The following KIAA1328 variants were observed in gnomAD, a reference collection of about 807,000 sequenced individuals.
The protein encoded by KIAA1328 is KIAA1328.
A neutral mutation model predicts 68.1 loss-of-function variants in KIAA1328; 52 were observed. The ratio of observed to expected loss-of-function variants is 0.76; its 90% CI spans 0.61 to 0.96. The LOEUF (loss-of-function observed/expected upper bound fraction) is 0.96, where lower values mean the gene tolerates loss of function less well. KIAA1328 is among the 40% of genes least tolerant of loss of function. The pLI, the probability that KIAA1328 is intolerant of heterozygous loss-of-function variation, is 0.00. For missense variants in KIAA1328, 641 were observed against 677.6 expected (o/e 0.95, Z 0.60); for synonymous variants, 232 against 239.4 (o/e 0.97, Z 0.28).
intron 4 of KIAA1328, among the ~76,000 whole-genome samples, chr18:36,853,223 T>C (rs1467442978): frequency 6.6e-6 from 1 of 152,218 alleles, no homozygotes; most frequent in Non-Finnish European, 1.5e-5. Flanking sequence ...CTGTAGATTA[T>C]GATTTTTAAA....
chr18:37,197,458 C>T (rs1257789592), intron 9 of KIAA1328, among the ~76,000 whole-genome samples: 1 of 152,000 alleles, frequency 6.6e-6, no homozygotes, highest in Admixed American at 6.6e-5. Flanking sequence ...CCACTATGGC[C>T]ATTTTCCATT....
intron 5 of KIAA1328, among the ~76,000 whole-genome samples, chr18:36,917,906 G>C (rs1268594520): frequency 6.6e-6 from 1 of 152,100 alleles, no homozygotes. Flanking sequence ...GTCCCTTCTA[G>C]TTGGCACCTC....
At chr18:36,829,347 C>A (rs1456488066) in intron 1 of KIAA1328, 151 bp downstream of exon 1, 1 of 1,388,160 alleles carries the variant, frequency 7.2e-7, no homozygotes, top group Admixed American at 3.4e-5. Context: ...AGGTGCTGGG[C>A]TCTCCCCTTG....
chr18:36,901,886 T>A (rs1418423056), intron 5 of KIAA1328: 1 of 152,082 alleles, frequency 6.6e-6, no homozygotes, highest in Non-Finnish European at 1.5e-5. Flanking sequence ...GACTTCTGTT[T>A]CTTGAGGAGT....
chr18:36,885,219 CA>C lies in KIAA1328; in HGVS notation c.333-331del, dbSNP rs531017253. ...CAATTGATTGTACCTGTTTTGGTAACAAAAAAATGAAACCCATGTTTTAAAA... is the reference window on the plus strand; with the variant it reads ...CAATTGATTGTACCTGTTTTGGTAACAAAAAATGAAACCCATGTTTTAAAA... On this transcript the variant is annotated intron_variant, in intron 4 of 9. Transcript: ENST00000280020. Among the ~76,000 whole-genome samples the C allele has an allele frequency of 2.1e-3, 317 of 151,994 alleles. 2 individuals carry two copies. Among genetic ancestry groups the C allele is most frequent in the Middle Eastern group, 0.017 (5 of 294 alleles).
At chr18:36,924,575 CAATTT>C (rs955194947) in intron 5 of KIAA1328, among the ~76,000 whole-genome samples, 30 of 151,988 alleles carry the variant, frequency 2.0e-4, no homozygotes, top group Non-Finnish European at 3.8e-4. Flanking sequence ...AAGATAGGCC[CAATTT>C]AATTAAGAGT....
chr18:37,016,032 A>G (rs2151507699), intron 6 of KIAA1328, among the ~76,000 whole-genome samples: 1 of 152,184 alleles, frequency 6.6e-6, no homozygotes. Flanking sequence ...TTCCAGTACT[A>G]TGTTGAGTAA....
At chr18:36,848,467 T>G (rs2047100075) in intron 4 of KIAA1328, among the ~76,000 whole-genome samples, 1 of 150,810 alleles carries the variant, frequency 6.6e-6, no homozygotes, top group Admixed American at 6.6e-5. Context: ...GTAGAATCCT[T>G]TGGATTTTGT....
chr18:37,204,962 C>CTTGTTG (rs143018752), intron 9 of KIAA1328, among the ~76,000 whole-genome samples: 3,554 of 151,206 alleles, frequency 0.024, 135 homozygotes, highest in African/African-American at 0.081. Context: ...GGCTTTTGAC[C>CTTGTTG]TTGTTGTTGT....
At chr18:37,034,406 G>A (rs553655035) in intron 6 of KIAA1328, among the ~76,000 whole-genome samples, 2 of 152,164 alleles carry the variant, frequency 1.3e-5, no homozygotes, top group South Asian at 4.2e-4. Flanking sequence ...TATTTTGAGA[G>A]CCTAAAATAA....
intron 5 of KIAA1328, 117 bp downstream of exon 5, chr18:36,885,789 T>C: frequency 1.6e-6 from 1 of 613,908 alleles, no homozygotes; most frequent in East Asian, 3.2e-5. Flanking sequence ...GCGATTTCAG[T>C]TCACCGCAAC....
intron 4 of KIAA1328, among the ~76,000 whole-genome samples, chr18:36,870,449 T>C (rs2047906764): frequency 6.6e-6 from 1 of 151,718 alleles, no homozygotes; most frequent in South Asian, 2.1e-4. Flanking sequence ...GTAATATAAA[T>C]ATTAAAATTA....
intron 9 of KIAA1328, among the ~76,000 whole-genome samples, chr18:37,204,620 T>TA (rs1342594284): frequency 6.6e-6 from 1 of 152,038 alleles, no homozygotes; most frequent in African/African-American, 2.4e-5. Flanking sequence ...GAGCATAAGG[T>TA]AGTAAATTTA....
chr18:36,982,105 A>G (rs962944092), intron 6 of KIAA1328, among the ~76,000 whole-genome samples: 3 of 143,002 alleles, frequency 2.1e-5, no homozygotes, highest in Non-Finnish European at 4.5e-5. Flanking sequence ...TATATATAAT[A>G]TAATTATATA....
intron 7 of KIAA1328, among the ~76,000 whole-genome samples, chr18:37,106,422 CTTT>C (rs1314317662): frequency 1.4e-5 from 2 of 140,180 alleles, no homozygotes; most frequent in Admixed American, 7.2e-5. Context: ...CTAAAAATCA[CTTT>C]TTTTTTTTTT....
chr18:36,983,182 G>T (rs1323762737), intron 6 of KIAA1328, among the ~76,000 whole-genome samples: 1 of 151,964 alleles, frequency 6.6e-6, no homozygotes, highest in Non-Finnish European at 1.5e-5. Context: ...CTGTCAAATT[G>T]TATTTAAGGG....
At chr18:37,188,851 C>T (rs1439325318) in intron 9 of KIAA1328, among the ~76,000 whole-genome samples, 1 of 152,228 alleles carries the variant, frequency 6.6e-6, no homozygotes, top group Non-Finnish European at 1.5e-5. Flanking sequence ...ATTACTTCAG[C>T]AGTATCTTTT....
intron 6 of KIAA1328, among the ~76,000 whole-genome samples, chr18:37,055,820 T>C (rs890931148): frequency 6.6e-5 from 10 of 152,176 alleles, no homozygotes; most frequent in African/African-American, 2.4e-4. Flanking sequence ...TATAAGGCTG[T>C]AAGTGGGAAT....
Position 37,222,719 on chromosome 18 carries a change from G to A in KIAA1328, c.*492G>A, listed in dbSNP as rs1257264587. 2 of 993,574 alleles carry A rather than the reference G, an allele frequency of 2.0e-6. No homozygotes were observed. The highest frequency in any genetic ancestry group is 1.7e-5 in the African/African-American group (1 of 57,236). 61.5% of individuals were successfully genotyped at this position (993,574 alleles called of 1,614,324 possible). On this transcript the variant is annotated 3_prime_UTR_variant, in exon 10 of 10. Coordinates refer to ENST00000280020, the MANE Select transcript of KIAA1328 (RefSeq NM_020776.3). ...TCTCACTACTACATTTCTGTAAGTGGTCCTTTAATTCTGAAGTTGGAGTTG... is the reference window on the plus strand; with the variant it reads ...TCTCACTACTACATTTCTGTAAGTGATCCTTTAATTCTGAAGTTGGAGTTG...
Sources: allele counts gnomAD v4.1 joint callset (sites outside exome capture counted in the v4.1 genomes callset), GRCh38; gene constraint gnomAD v4.1.1; transcripts MANE v1.5; gene names NCBI Gene and HGNC (gene_info 2026-07-23, HGNC 2026-07-21).